Variants in FAM117B observed in about 807,000 individuals in gnomAD.
FAM117B encodes the protein family with sequence similarity 117 member B.
FAM117B carries 22 observed loss-of-function variants against 52.8 expected under a neutral mutation model. That is an observed-to-expected ratio of 0.42 (90% CI 0.30 to 0.59). FAM117B has a LOEUF of 0.59. FAM117B is among the 20% of genes least tolerant of loss of function. The probability of loss-of-function intolerance (pLI) is 0.22; values close to 1 mark genes in which losing one functional copy is unlikely to be tolerated. For synonymous variants in FAM117B, 309 were observed against 324.1 expected (o/e 0.95, Z 0.50); for missense variants, 678 against 802.6 (o/e 0.84, Z 1.88).
chr2:202,639,989 G>A (rs1463837786), intron 1 of FAM117B, among the ~76,000 whole-genome samples: 3 of 151,894 alleles, frequency 2.0e-5, no homozygotes, highest in Admixed American at 6.6e-5. Context: ...AAAAAATTTG[G>A]TCGGGCACGG....
chr2:202,755,137 C>CTA (rs1691782573), intron 4 of FAM117B, among the ~76,000 whole-genome samples: 1 of 151,946 alleles, frequency 6.6e-6, no homozygotes. Flanking sequence ...TGTGCTAAAC[C>CTA]ATTCATGAGA....
At position 202,655,707 on chromosome 2, in the gene FAM117B, TGAGAGAGAGAGAGAGAGAGA is replaced by T. The variant is rs60423652; in HGVS notation, c.601+19955_601+19974del. Among the ~76,000 whole-genome samples the T allele has an allele frequency of 2.6e-3, 257 of 98,888 alleles. 2 individuals are homozygous for T. The highest frequency in any genetic ancestry group is 6.1e-3 in the South Asian group (17 of 2,806). The allele number at this position is 98,888 out of a possible 152,430, so 64.9% of individuals were successfully genotyped here. ...GCCTGGAGTGGGTGCGGGAAGAGAG[TGAGAGAGAGAGAGAGAGAGA>T]GAGAGAGAGAGAGAGAGAGAGAGAG... On this transcript the variant is annotated intron_variant, in intron 1 of 7. Transcript: ENST00000392238.
intron 1 of FAM117B, among the ~76,000 whole-genome samples, chr2:202,669,913 A>C (rs1405146909): frequency 6.6e-6 from 1 of 152,224 alleles, no homozygotes; most frequent in Non-Finnish European, 1.5e-5. Context: ...CTGAAGAAAT[A>C]ACCACAAACA....
In FAM117B at chr2:202,725,028, A is replaced by G. The variant is rs1691216865; in HGVS notation, c.846+19A>G. 6.3e-7 allele frequency: 1 copy of G among 1,580,620 alleles called. No homozygotes were observed. The highest frequency in any genetic ancestry group is 1.3e-5 in the African/African-American group (1 of 74,320). On this transcript the variant is annotated intron_variant, in intron 3 of 7. Coordinates refer to ENST00000392238, the MANE Select transcript of FAM117B (RefSeq NM_173511.4). ...TAAGGAGGTCAGAAAAATGGTTCTA[A>G]GATAGTGGGTGTGGAAATATGATCC...
At chr2:202,654,705 C>G (rs1690026579) in intron 1 of FAM117B, among the ~76,000 whole-genome samples, 1 of 148,882 alleles carries the variant, frequency 6.7e-6, no homozygotes, top group South Asian at 2.1e-4. Context: ...AGACTTGCAT[C>G]ATACTGTATT....
chr2:202,696,533 T>G (rs191149443), intron 2 of FAM117B, among the ~76,000 whole-genome samples: 2 of 152,334 alleles, frequency 1.3e-5, no homozygotes, highest in Non-Finnish European at 1.5e-5. Context: ...TGGACAAGCT[T>G]GGTTTACAAT....
intron 1 of FAM117B, among the ~76,000 whole-genome samples, chr2:202,654,892 CTT>C (rs1295900898): frequency 6.6e-6 from 1 of 151,506 alleles, no homozygotes; most frequent in Non-Finnish European, 1.5e-5. Context: ...GTAAAAACAC[CTT>C]TATAAGTGTC....
intron 1 of FAM117B, among the ~76,000 whole-genome samples, chr2:202,695,595 T>C (rs1300797015): frequency 1.3e-5 from 2 of 152,240 alleles, no homozygotes; most frequent in African/African-American, 2.4e-5. Flanking sequence ...CTTGTTGTTA[T>C]ACTTGTTCTA....
In FAM117B at chr2:202,663,767, G is replaced by A. The variant is rs192146828; in HGVS notation, c.601+27979G>A. 3.3e-4 allele frequency among the ~76,000 whole-genome samples: 50 copies of A among 151,992 alleles called. No individual in the cohort carries two copies. In the East Asian group the frequency reaches 7.0e-3, roughly 21 times the overall value. ...CCCAGCTAAGTTTTGTATTTTTAGT[G>A]GAGACGGGGTTTCACTATGTTGGCC... On this transcript the variant is annotated intron_variant, in intron 1 of 7. Transcript: ENST00000392238.
At chr2:202,725,796 T>C (rs368376165) in intron 3 of FAM117B, among the ~76,000 whole-genome samples, 1 of 152,202 alleles carries the variant, frequency 6.6e-6, no homozygotes, top group African/African-American at 2.4e-5. Context: ...AAGATATTCA[T>C]TGGAATTGCA....
At chr2:202,753,739 G>A (rs756332723) in intron 4 of FAM117B, among the ~76,000 whole-genome samples, 7 of 150,936 alleles carry the variant, frequency 4.6e-5, no homozygotes, top group Non-Finnish European at 8.8e-5. Context: ...ACATTTACAC[G>A]GCCAACAAAC....
rs1691243918 is a variant in FAM117B, at chr2:202,726,281, G to C, written c.878G>C (p.Ser293Thr). The C allele has an allele frequency of 6.2e-7, 1 of 1,613,492 alleles. No individual in the cohort carries two copies. Among genetic ancestry groups the C allele is most frequent in the Non-Finnish European group, 8.5e-7 (1 of 1,179,874 alleles). The change falls in exon 4 of 8, where the codon AGT becomes ACT. Residue 293 changes from serine (S) to threonine (T), a missense_variant. Coordinates refer to ENST00000392238, the MANE Select transcript of FAM117B (RefSeq NM_173511.4). Reference sequence around the variant, plus strand: ...AAATTACGCCAGCAGTTGCAGAGAAGTAAACACAGCAGTCGGCATCATCGA... The same window carrying C: ...AAATTACGCCAGCAGTTGCAGAGAACTAAACACAGCAGTCGGCATCATCGA... ...IAKLRQQLQR[S>T]KHSSRHHRDK...
intron 4 of FAM117B, among the ~76,000 whole-genome samples, chr2:202,749,017 G>C (rs1691680430): frequency 6.6e-6 from 1 of 152,030 alleles, no homozygotes; most frequent in Admixed American, 6.6e-5. Context: ...AGGAATGAGA[G>C]CACTGGTAGT....
chr2:202,749,374 G>C (rs1181479374), intron 4 of FAM117B, among the ~76,000 whole-genome samples: 1 of 151,220 alleles, frequency 6.6e-6, no homozygotes, highest in African/African-American at 2.4e-5. Flanking sequence ...AAAAAATTAT[G>C]CAACTATAAA....
chr2:202,650,034 AT>A (rs1321999939), intron 1 of FAM117B, among the ~76,000 whole-genome samples: 70 of 144,620 alleles, frequency 4.8e-4, no homozygotes, highest in Admixed American at 8.3e-4. Context: ...TACCTGGTTA[AT>A]TTTTTTTTTT....
At chr2:202,730,670 C>T (rs1161001324) in intron 4 of FAM117B, among the ~76,000 whole-genome samples, 1 of 152,040 alleles carries the variant, frequency 6.6e-6, no homozygotes, top group Non-Finnish European at 1.5e-5. Context: ...TCTAAATAAA[C>T]AAACAAACAA....
chr2:202,755,156 C>G (rs779807342), intron 4 of FAM117B, among the ~76,000 whole-genome samples: 10 of 152,158 alleles, frequency 6.6e-5, no homozygotes, highest in Non-Finnish European at 1.3e-4. Context: ...GAGATCCACC[C>G]CCATGATTTG....
At chr2:202,638,784 T>A (rs1056100943) in intron 1 of FAM117B, among the ~76,000 whole-genome samples, 1 of 152,168 alleles carries the variant, frequency 6.6e-6, no homozygotes. Context: ...TTCCGCCAAC[T>A]AGAAAAATAA....
intron 1 of FAM117B, among the ~76,000 whole-genome samples, chr2:202,661,698 C>T (rs139569680): frequency 2.6e-5 from 4 of 152,174 alleles, no homozygotes; most frequent in African/African-American, 9.6e-5. Flanking sequence ...GGCAGATCAC[C>T]TGAGGTCAAG....
Sources: gnomAD v4.1 joint callset for allele counts (sites outside exome capture counted in the v4.1 genomes callset) on GRCh38, gnomAD v4.1.1 for gene constraint, MANE v1.5 for transcripts, NCBI Gene and HGNC (gene_info 2026-07-23, HGNC 2026-07-21) for gene names.